AP3M1: variants seen among roughly 807,000 people sequenced by gnomAD.
The protein encoded by AP3M1 is AP-3 complex subunit mu-1.
A neutral mutation model predicts 42.6 loss-of-function variants in AP3M1; 29 were observed. The observed-to-expected ratio is 0.68, with a 90% CI of 0.51 to 0.93. The LOEUF is 0.93. AP3M1 is among the 40% of genes least tolerant of loss of function. AP3M1 has a pLI of 0.00. For missense variants in AP3M1, 416 were observed against 510.2 expected, an observed-to-expected ratio of 0.82 and a Z score of 1.78; for synonymous variants, 178 against 175.3, an observed-to-expected ratio of 1.02 and a Z score of -0.12.
In AP3M1 at chr10:74,121,335, C is replaced by A. The variant is rs780848524; in HGVS notation, c.*2475G>T. Reference sequence around the variant, plus strand: ...AAGGAATGAACCTATCACAGGAACTCCCTTTGAATAAAATGATGGTGACTC... The same window carrying A: ...AAGGAATGAACCTATCACAGGAACTACCTTTGAATAAAATGATGGTGACTC... On this transcript the variant is annotated 3_prime_UTR_variant, in exon 9 of 9. Transcript: ENST00000355264. The A allele has an allele frequency of 1.3e-5, 2 of 152,192 alleles. No individual in the cohort carries two copies. The highest frequency in any genetic ancestry group is 2.9e-5 in the Non-Finnish European group (2 of 68,040). The allele number at this position is 152,192 out of a possible 1,614,324, so 9.4% of individuals were successfully genotyped here.
intron 8 of AP3M1, among the ~76,000 whole-genome samples, chr10:74,124,158 GT>G (rs1452563613): frequency 6.6e-6 from 1 of 152,216 alleles, no homozygotes; most frequent in East Asian, 1.9e-4. Context: ...TCTCTTTTTG[GT>G]GCTTAAATGA....
intron 8 of AP3M1, 42 bp downstream of exon 8, chr10:74,124,337 CA>C: frequency 1.3e-6 from 2 of 1,564,298 alleles, no homozygotes; most frequent in South Asian, 1.2e-5. Flanking sequence ...AATGAGCTTG[CA>C]AAACTCAATT....
chr10:74,134,229 AG>A (rs1350523996), intron 3 of AP3M1, 65 bp from the exon 4 acceptor site: 1 of 1,520,104 alleles, frequency 6.6e-7, no homozygotes, highest in Non-Finnish European at 8.9e-7. Flanking sequence ...ATTTATTACT[AG>A]GAAAAAAAAA....
At position 74,121,743 on chromosome 10, in the gene AP3M1, T is replaced by C. The variant is rs766386841; in HGVS notation, c.*2067A>G. 1 of 152,214 alleles carries C rather than the reference T, an allele frequency of 6.6e-6. No homozygotes were observed. The highest frequency in any genetic ancestry group is 1.5e-5 in the Non-Finnish European group (1 of 68,028). The allele number at this position is 152,214 out of a possible 1,614,324, so 9.4% of individuals were successfully genotyped here. On this transcript the variant is annotated 3_prime_UTR_variant, in exon 9 of 9. Transcript: ENST00000355264. ...CCATTGGAGAATGTTCAATCAATAG[T>C]AGACCTAAAAAAAATCAACTTGTTG... is the stretch of plus-strand genomic sequence containing the variant.
At chr10:74,139,867 T>C (rs972632919) in intron 1 of AP3M1, among the ~76,000 whole-genome samples, 1 of 148,368 alleles carries the variant, frequency 6.7e-6, no homozygotes, top group Admixed American at 6.8e-5. Flanking sequence ...AGACTCAAGA[T>C]TGCACCACTG....
intron 7 of AP3M1, among the ~76,000 whole-genome samples, chr10:74,125,699 C>T (rs1840592786): frequency 1.3e-5 from 2 of 152,128 alleles, no homozygotes; most frequent in South Asian, 4.1e-4. Flanking sequence ...AGTGAGGAAG[C>T]AACTTTCCTA....
intron 1 of AP3M1, among the ~76,000 whole-genome samples, chr10:74,148,086 A>G (rs1841386368): frequency 6.6e-6 from 1 of 152,138 alleles, no homozygotes; most frequent in South Asian, 2.1e-4. Context: ...CAAGAAGTGT[A>G]AAAAAATAGA....
intron 1 of AP3M1, among the ~76,000 whole-genome samples, chr10:74,149,432 G>A (rs1564559600): frequency 6.6e-6 from 1 of 151,658 alleles, no homozygotes; most frequent in Non-Finnish European, 1.5e-5. Context: ...TGGGACTACA[G>A]GCGTGTGCCA....
At position 74,138,340 on chromosome 10, in the gene AP3M1, T is replaced by C. The variant is rs139280647; in HGVS notation, c.40A>G (p.Ile14Val). Residue 14 changes from isoleucine (I) to valine (V), a missense_variant, in exon 2 of 9, where the codon ATA (isoleucine) becomes GTA (valine). Physicochemically the swap from Ile to Val is conservative, Grantham distance 29 (BLOSUM62 3). Transcript: ENST00000355264. ...CTCTTCCAGTGCTTCTCTAGAAATA[T>C]GTCACCGGAACAGTTTATGAGAAAT... is the stretch of plus-strand genomic sequence containing the variant. Reference protein sequence around the residue: ...SLFLINCSGDIFLEKHWKSVV... With the variant: ...SLFLINCSGDVFLEKHWKSVV... The C allele has an allele frequency of 1.2e-6, 2 of 1,614,036 alleles. No individual in the cohort carries two copies. Among genetic ancestry groups the C allele is most frequent in the Non-Finnish European group, 1.7e-6 (2 of 1,180,026 alleles).
At chr10:74,128,287 C>T (rs115162902) in intron 6 of AP3M1, among the ~76,000 whole-genome samples, 2,108 of 150,696 alleles carry the variant, frequency 0.014, 54 homozygotes, top group African/African-American at 0.049. Context: ...GTTGGCCAGG[C>T]TGTAGTGCAG....
chr10:74,129,071 T>C (rs1840699246), intron 6 of AP3M1, 37 bp downstream of exon 6: 3 of 1,610,368 alleles, frequency 1.9e-6, no homozygotes, highest in African/African-American at 2.7e-5. Flanking sequence ...GTACTTGATA[T>C]GTATGATGGC....
At chr10:74,128,100 TAAAAAAAAAAAAA>T (rs754897677) in intron 6 of AP3M1, among the ~76,000 whole-genome samples, 1 of 68,444 alleles carries the variant, frequency 1.5e-5, no homozygotes, top group Non-Finnish European at 2.7e-5. Flanking sequence ...AACTCCGGCT[TAAAAAAAAAAAAA>T]AAAAAAAAAA....
intron 6 of AP3M1, among the ~76,000 whole-genome samples, chr10:74,128,351 C>A (rs996820245): frequency 6.6e-6 from 1 of 151,474 alleles, no homozygotes; most frequent in African/African-American, 2.4e-5. Flanking sequence ...GATTCTCATG[C>A]CTCAGCCTCC....
At chr10:74,128,918 C>T in intron 6 of AP3M1, 190 bp downstream of exon 6, 5 of 603,460 alleles carry the variant, frequency 8.3e-6, no homozygotes, top group Non-Finnish European at 1.4e-5. Context: ...TACCACTCTA[C>T]ACTCATACAT....
At position 74,138,195 on chromosome 10, in the gene AP3M1, T is replaced by C. The variant is rs1237335394; in HGVS notation, c.185A>G (p.Asp62Gly). The C allele has an allele frequency of 6.2e-7, 1 of 1,614,078 alleles. No individual in the cohort carries two copies. Among genetic ancestry groups the C allele is most frequent in the Non-Finnish European group, 8.5e-7 (1 of 1,180,040 alleles). Residue 62 changes from aspartate (D) to glycine (G), a missense_variant, in exon 2 of 9, where the codon GAT (aspartate) becomes GGT (glycine). Transcript: ENST00000355264. ...PHHYLISIYR[D>G]KLFFVSVIQT... is the part of the protein sequence containing the mutation. ...TATGACAGATACAAAGAAGAGCTTA[T>C]CCCGGTAGATACTGATGAGGTAGTG...
chr10:74,140,132 T>C (rs1841096889), intron 1 of AP3M1, among the ~76,000 whole-genome samples: 1 of 152,138 alleles, frequency 6.6e-6, no homozygotes, highest in African/African-American at 2.4e-5. Flanking sequence ...CACTCTGCTG[T>C]TCCAAGGACC....
chr10:74,130,063 C>G, intron 4 of AP3M1, 71 bp from the exon 5 acceptor site: 1 of 1,038,764 alleles, frequency 9.6e-7, no homozygotes, highest in Non-Finnish European at 1.5e-6. Context: ...ATCACTGTAT[C>G]TTTTTATTTT....
chr10:74,131,507 G>C (rs981239053), intron 4 of AP3M1, among the ~76,000 whole-genome samples: 23 of 151,738 alleles, frequency 1.5e-4, no homozygotes, highest in African/African-American at 5.3e-4. Context: ...TTATGAAATG[G>C]ACTAAGTTAA....
In AP3M1 at chr10:74,124,469, C is replaced by T; in HGVS notation, c.1067G>A (p.Gly356Glu). 6.2e-7 allele frequency: 1 copy of T among 1,613,348 alleles called. No homozygotes were observed. The highest frequency in any genetic ancestry group is 8.5e-7 in the Non-Finnish European group (1 of 1,179,730). Residue 356 changes from glycine to glutamate, a missense_variant, in exon 8 of 9, where the codon GGA (glycine) becomes GAA (glutamate). Coordinates refer to ENST00000355264, the MANE Select transcript of AP3M1 (RefSeq NM_012095.6). The stretch of plus-strand genomic sequence containing the variant: ...GGCTCCAGACTGTAAATTTACCAGT[C>T]CTTTAAGACTTGGGAGCTTTTGTGG... ...ITPQKLPSLK[G>E]LVNLQSGAPK...
Sources: allele counts gnomAD v4.1 joint callset (sites outside exome capture counted in the v4.1 genomes callset), GRCh38; gene constraint gnomAD v4.1.1; transcripts MANE v1.5; gene names NCBI Gene and HGNC (gene_info 2026-07-23, HGNC 2026-07-21).